The following SLC18A1 variants were observed in gnomAD, a reference collection of about 807,000 sequenced individuals.
The protein encoded by SLC18A1 is chromaffin granule amine transporter.
Under a neutral mutation model 53.7 loss-of-function variants are expected in SLC18A1, and 69 were observed. The ratio of observed to expected loss-of-function variants is 1.28; its 90% CI spans 1.06 to 1.57. The LOEUF (loss-of-function observed/expected upper bound fraction) is 1.57, where lower values mean the gene tolerates loss of function less well. Among genes scored for constraint, SLC18A1 ranks in the 40% most tolerant of loss-of-function variants. SLC18A1 has a pLI of 0.00. For missense variants in SLC18A1, 932 were observed against 668.1 expected, an observed-to-expected ratio of 1.40 and a Z score of -4.35; for synonymous variants, 320 against 248.1, an observed-to-expected ratio of 1.29 and a Z score of -2.72.
chr8:20,169,878 C>G (rs149629586), intron 8 of SLC18A1, among the ~76,000 whole-genome samples: 1 of 152,124 alleles, frequency 6.6e-6, no homozygotes, highest in African/African-American at 2.4e-5. Flanking sequence ...GACTCCGTCT[C>G]AAAAAAGTAG....
In SLC18A1 at chr8:20,181,007, G is replaced by C. The variant is rs76970544; in HGVS notation, c.-43C>G. ...GGCAGTCTTCCCCTGCGGGCTCTTA[G>C]GGAAGGTCCTGTGACAGCTACAGGT... On this transcript the variant is annotated 5_prime_UTR_variant, in exon 2 of 16. Transcript: ENST00000276373. 2,365 of 1,545,370 alleles carry C rather than the reference G, an allele frequency of 1.5e-3. 30 individuals carry two copies. In the African/African-American group the frequency reaches 0.028, roughly 18 times the overall value.
At chr8:20,160,425 G>A (rs771702971) in intron 10 of SLC18A1, among the ~76,000 whole-genome samples, 2 of 151,284 alleles carry the variant, frequency 1.3e-5, no homozygotes, top group Non-Finnish European at 2.9e-5. Context: ...GTGCAAAATA[G>A]GTGCTCCAGA....
chr8:20,167,069 T>G (rs1197479353), intron 8 of SLC18A1, among the ~76,000 whole-genome samples: 5 of 151,802 alleles, frequency 3.3e-5, no homozygotes, highest in Non-Finnish European at 7.4e-5. Context: ...AGTATTTTGT[T>G]CTGGCATCTT....
At chr8:20,158,642 C>A (rs1431579892) in intron 10 of SLC18A1, among the ~76,000 whole-genome samples, 1 of 152,152 alleles carries the variant, frequency 6.6e-6, no homozygotes, top group African/African-American at 2.4e-5. Flanking sequence ...TAAAACTATG[C>A]AACAGCCCCT....
chr8:20,160,718 C>CA (rs1260104023), intron 10 of SLC18A1, among the ~76,000 whole-genome samples: 1 of 151,952 alleles, frequency 6.6e-6, no homozygotes, highest in African/African-American at 2.4e-5. Context: ...AACATATTAC[C>CA]ACAGATTGGG....
chr8:20,149,411 T>G (rs1021557773), intron 12 of SLC18A1, among the ~76,000 whole-genome samples: 20 of 152,012 alleles, frequency 1.3e-4, no homozygotes, highest in African/African-American at 4.6e-4. Flanking sequence ...TACAGCCCTC[T>G]TCCTCTCCTT....
chr8:20,172,975 G>T, intron 6 of SLC18A1, 61 bp downstream of exon 6: 1 of 1,235,734 alleles, frequency 8.1e-7, no homozygotes, highest in Non-Finnish European at 1.2e-6. Flanking sequence ...TACACCTCGG[G>T]AACACCTGCT....
In SLC18A1 at chr8:20,149,572, TTCTCTCTCTCTCTCTCCC is replaced by T. The variant is rs1462959564; in HGVS notation, c.1146+86_1146+103del. On this transcript the variant is annotated intron_variant, in intron 12 of 15. Transcript: ENST00000276373. Reference sequence around the variant, plus strand: ...AATTAGTCTTTAAATGTCTGTGTCTTTCTCTCTCTCTCTCTCCCTCTCTCTCTCTCTCTCTCTCTCTCT... The same window carrying T: ...AATTAGTCTTTAAATGTCTGTGTCTTTCTCTCTCTCTCTCTCTCTCTCTCT... 2.1e-5 allele frequency: 18 copies of T among 856,392 alleles called. No homozygotes were observed. In the African/African-American group the frequency reaches 2.9e-4, roughly 14 times the overall value. The allele number at this position is 856,392 out of a possible 1,614,324, so 53.0% of individuals were successfully genotyped here. A position where few individuals can be genotyped will look rare whatever the true frequency, so the allele number is the denominator to read the frequency against.
Position 20,145,893 on chromosome 8 carries a change from G to C in SLC18A1, c.1465-17C>G. ...CAGAATAGCCTGCAGAGAGAGGCAA[G>C]AAGAGAAGCCACTGCACATTATTAT... On this transcript the variant is annotated splice_polypyrimidine_tract_variant and intron_variant, in intron 15 of 15. Coordinates refer to ENST00000276373, the MANE Select transcript of SLC18A1 (RefSeq NM_003053.4). 1.4e-6 allele frequency: 2 copies of C among 1,462,762 alleles called. No individual in the cohort carries two copies. Among genetic ancestry groups the C allele is most frequent in the Non-Finnish European group, 1.9e-6 (2 of 1,061,448 alleles). The allele number at this position is 1,462,762 out of a possible 1,614,324, so 90.6% of individuals were successfully genotyped here.
chr8:20,181,089 T>C lies in SLC18A1; in HGVS notation c.-123-2A>G. The C allele has an allele frequency of 1.7e-6, 2 of 1,179,536 alleles. No homozygotes were observed. The highest frequency in any genetic ancestry group is 1.2e-6 in the Non-Finnish European group (1 of 866,436). The allele number at this position is 1,179,536 out of a possible 1,614,324, so 73.1% of individuals were successfully genotyped here. On this transcript the variant is annotated splice_acceptor_variant, in intron 1 of 15. Coordinates refer to ENST00000276373, the MANE Select transcript of SLC18A1 (RefSeq NM_003053.4). LOFTEE classifies it low-confidence loss of function (5UTR_SPLICE). Reference sequence around the variant, plus strand: ...GTCTGCCCAGACGAAGGAAACTCACTATTAAAACGAAAAGTGCAAAGGGTT... The same window carrying C: ...GTCTGCCCAGACGAAGGAAACTCACCATTAAAACGAAAAGTGCAAAGGGTT...
At chr8:20,182,839 G>C (rs147658580) in intron 1 of SLC18A1, among the ~76,000 whole-genome samples, 1 of 152,242 alleles carries the variant, frequency 6.6e-6, no homozygotes, top group East Asian at 1.9e-4. Context: ...GATATGTATG[G>C]ATAAGAATAA....
intron 14 of SLC18A1, 100 bp from the exon 15 acceptor site, chr8:20,147,491 A>G (rs145681847): frequency 6.4e-7 from 1 of 1,570,044 alleles, no homozygotes; most frequent in Non-Finnish European, 8.7e-7. Flanking sequence ...GACCCAGAGG[A>G]TGTCTCAGCG....
chr8:20,153,046 G>A (rs1345743628), intron 10 of SLC18A1, among the ~76,000 whole-genome samples: 2 of 152,124 alleles, frequency 1.3e-5, no homozygotes, highest in Non-Finnish European at 2.9e-5. Flanking sequence ...AATGATGATG[G>A]TGAAGGGACG....
At chr8:20,171,963 A>G (rs2128877671) in intron 6 of SLC18A1, among the ~76,000 whole-genome samples, 1 of 152,342 alleles carries the variant, frequency 6.6e-6, no homozygotes, top group East Asian at 1.9e-4. Context: ...CAGAGTATGA[A>G]TATTTGCGAG....
At chr8:20,177,375 C>G (rs1304888028) in intron 4 of SLC18A1, among the ~76,000 whole-genome samples, 1 of 151,838 alleles carries the variant, frequency 6.6e-6, no homozygotes, top group Non-Finnish European at 1.5e-5. Context: ...AGAAAGTAGA[C>G]AAGGAACAGA....
intron 8 of SLC18A1, 107 bp from the exon 9 acceptor site, chr8:20,165,214 T>C (rs2128874577): frequency 1.0e-6 from 1 of 976,698 alleles, no homozygotes; most frequent in Non-Finnish European, 1.6e-6. Flanking sequence ...CCATCTACAG[T>C]ATCTCCTTTA....
At position 20,178,487 on chromosome 8, in the gene SLC18A1, T is replaced by A. The variant is rs751192271; in HGVS notation, c.495A>T (p.Gly165=). ...AGCCAGCAAACATGGGGATATGATA[T>A]CCAATCCTAAAAGGGAATTGAAAAA... ...PFVGPLTNRI[G]YHIPMFAGFV... is the part of the protein sequence containing the mutation. Residue 165 remains glycine, a synonymous_variant, in exon 4 of 16, where the codon GGA becomes GGT. Coordinates refer to ENST00000276373, the MANE Select transcript of SLC18A1 (RefSeq NM_003053.4). The A allele has an allele frequency of 6.9e-6, 11 of 1,602,626 alleles. No homozygotes were observed. Among genetic ancestry groups the A allele is most frequent in the Non-Finnish European group, 9.4e-6 (11 of 1,173,812 alleles).
At chr8:20,153,468 G>C (rs2071609881) in intron 10 of SLC18A1, among the ~76,000 whole-genome samples, 1 of 152,046 alleles carries the variant, frequency 6.6e-6, no homozygotes, top group African/African-American at 2.4e-5. Flanking sequence ...ACAAGGTCAG[G>C]AGATCAAGAC....
Position 20,171,703 on chromosome 8 carries a change from T to C in SLC18A1, c.725-209A>G, listed in dbSNP as rs575235234. On this transcript the variant is annotated intron_variant, in intron 6 of 15. Transcript: ENST00000276373. ...GGAAGTGTGTGTGTGTGTGTGTGTG[T>C]GCGCGCGCGTGTGTGTATGTATGTG... 4.8e-4 allele frequency among the ~76,000 whole-genome samples: 70 copies of C among 146,856 alleles called. 1 individual carries two copies. The highest frequency in any genetic ancestry group is 2.9e-3 in the East Asian group (15 of 5,126).
Sources: gnomAD v4.1 joint callset for allele counts (sites outside exome capture counted in the v4.1 genomes callset) on GRCh38, gnomAD v4.1.1 for gene constraint, MANE v1.5 for transcripts, NCBI Gene and HGNC (gene_info 2026-07-23, HGNC 2026-07-21) for gene names.